ABCA4: variants seen among roughly 807,000 people sequenced by gnomAD.
ABCA4 encodes ATP binding cassette subfamily A member 4, also known as retinal-specific phospholipid-transporting ATPase ABCA4.
ABCA4 carries 196 observed loss-of-function variants against 263.7 expected under a neutral mutation model. That is an observed-to-expected ratio of 0.74 (90% CI 0.66 to 0.84). The LOEUF (loss-of-function observed/expected upper bound fraction) is 0.84. Among genes scored for constraint, ABCA4 ranks in the 40% least tolerant of loss-of-function variants. The pLI is 0.00. For synonymous variants in ABCA4, 1,133 were observed against 1,094.2 expected (o/e 1.04, Z -0.70); for missense variants, 2,792 against 2,855.1 (o/e 0.98, Z 0.50).
In ABCA4 at chr1:94,062,899, A is replaced by G. The variant is rs545398255; in HGVS notation, c.1761-146T>C. On this transcript the variant is annotated intron_variant, in intron 12 of 49. Transcript: ENST00000370225. ...GATCCAATTCTATTTCCTAGTCCTC[A>G]GTTTAAATCTCAGTTTTGAATATTA... 4 of 1,075,832 alleles carry G rather than the reference A, an allele frequency of 3.7e-6. No individual in the cohort carries two copies. In the South Asian group the frequency reaches 5.5e-5, roughly 15 times the overall value. The allele number at this position is 1,075,832 out of a possible 1,614,324, so 66.6% of individuals were successfully genotyped here.
intron 14 of ABCA4, among the ~76,000 whole-genome samples, chr1:94,057,595 C>T (rs1396618815): frequency 2.0e-5 from 3 of 152,200 alleles, no homozygotes; most frequent in Non-Finnish European, 2.9e-5. Flanking sequence ...AGTAATTAAT[C>T]CAAATCACTT....
chr1:94,113,101 T>G (rs1297208944), intron 1 of ABCA4, 35 bp from the exon 2 acceptor site: 16 of 1,592,344 alleles, frequency 1.0e-5, no homozygotes, highest in African/African-American at 4.0e-5. Context: ...GAAAGTTCAG[T>G]GGTGCTAAGA....
intron 48 of ABCA4, among the ~76,000 whole-genome samples, chr1:93,996,494 G>A (rs1441657053): frequency 6.6e-6 from 1 of 152,156 alleles, no homozygotes; most frequent in East Asian, 1.9e-4. Flanking sequence ...TCAGCTAGCA[G>A]CATCCTAATA....
chr1:94,076,935 C>T (rs964811434), intron 11 of ABCA4, among the ~76,000 whole-genome samples: 1 of 152,172 alleles, frequency 6.6e-6, no homozygotes, highest in African/African-American at 2.4e-5. Flanking sequence ...AACTCAGGCA[C>T]CCCCAGAGCT....
chr1:94,052,109 C>A (rs1482995063), intron 16 of ABCA4, among the ~76,000 whole-genome samples: 2 of 152,100 alleles, frequency 1.3e-5, no homozygotes, highest in African/African-American at 2.4e-5. Context: ...CTCAAAACAA[C>A]CCCAGGAGAT....
At chr1:93,998,360 G>C (rs1164533849) in intron 47 of ABCA4, among the ~76,000 whole-genome samples, 1 of 151,914 alleles carries the variant, frequency 6.6e-6, no homozygotes, top group Non-Finnish European at 1.5e-5. Context: ...ACATGCCTGT[G>C]GTCCCAGCTA....
At chr1:94,036,905 C>T (rs1425808179) in intron 25 of ABCA4, 117 bp from the exon 26 acceptor site, 2 of 1,047,032 alleles carry the variant, frequency 1.9e-6, no homozygotes, top group East Asian at 2.4e-5. Flanking sequence ...TCCATTACGA[C>T]TCTATCTGAG....
At chr1:94,041,750 CT>C (rs1227509988) in intron 22 of ABCA4, among the ~76,000 whole-genome samples, 7 of 152,132 alleles carry the variant, frequency 4.6e-5, no homozygotes, top group African/African-American at 1.7e-4. Flanking sequence ...GATTTATACT[CT>C]TCATAAAGAA....
At chr1:94,103,578 A>G (rs1662343920) in intron 4 of ABCA4, among the ~76,000 whole-genome samples, 1 of 152,088 alleles carries the variant, frequency 6.6e-6, no homozygotes, top group Non-Finnish European at 1.5e-5. Flanking sequence ...AAGGCCCAAG[A>G]CACTCCTCCC....
intron 35 of ABCA4, among the ~76,000 whole-genome samples, chr1:94,020,570 T>C (rs1413633085): frequency 6.6e-6 from 1 of 152,114 alleles, no homozygotes; most frequent in Admixed American, 6.5e-5. Context: ...CCCTAGGGTG[T>C]CCAGAGGAAG....
rs146455772 is a variant in ABCA4 at position 94,046,614 on chromosome 1, G to A, written c.2918+305C>T. On this transcript the variant is annotated intron_variant, in intron 19 of 49. Coordinates refer to ENST00000370225, the MANE Select transcript of ABCA4 (RefSeq NM_000350.3). Reference sequence around the variant, plus strand: ...GTGTGAGAAACAAGAGGCAACTGTGGTGCCTGGCTTTTGCCCCCGCTGAGC... The same window carrying A: ...GTGTGAGAAACAAGAGGCAACTGTGATGCCTGGCTTTTGCCCCCGCTGAGC... 1.9e-3 allele frequency among the ~76,000 whole-genome samples: 285 copies of A among 152,220 alleles called. 1 individual carries two copies. The highest frequency in any genetic ancestry group is 6.4e-3 in the African/African-American group (266 of 41,548).
rs191521646 is a variant in ABCA4 at position 94,120,145 on chromosome 1, A to T, written c.66+835T>A. 1.1e-4 allele frequency among the ~76,000 whole-genome samples: 17 copies of T among 152,328 alleles called. 1 individual carries two copies. The East Asian group carries it at 3.3e-3, about 29-fold the overall frequency. ...AAAGCCAGTTGTCATTTACAAGTAC[A>T]GTCTTGGTGTTCTCTGATCTCCGGC... On this transcript the variant is annotated intron_variant, in intron 1 of 49. Transcript: ENST00000370225.
chr1:94,037,614 G>A (rs1021186627), intron 24 of ABCA4, among the ~76,000 whole-genome samples: 1 of 151,646 alleles, frequency 6.6e-6, no homozygotes, highest in Admixed American at 6.6e-5. Context: ...GGAGGTTGGT[G>A]GGGGGGTCAT....
At chr1:94,090,917 G>C (rs1201867778) in intron 6 of ABCA4, among the ~76,000 whole-genome samples, 1 of 152,162 alleles carries the variant, frequency 6.6e-6, no homozygotes, top group African/African-American at 2.4e-5. Flanking sequence ...GGAGCAGTCA[G>C]TTTCACCTGG....
chr1:94,086,046 A>G (rs1661817517), intron 6 of ABCA4, among the ~76,000 whole-genome samples: 2 of 152,038 alleles, frequency 1.3e-5, no homozygotes, highest in South Asian at 2.1e-4. Flanking sequence ...CTTGTCATCT[A>G]TCTCCCCTGT....
At chr1:94,116,481 TG>T (rs921831699) in intron 1 of ABCA4, among the ~76,000 whole-genome samples, 13 of 152,098 alleles carry the variant, frequency 8.5e-5, no homozygotes, top group African/African-American at 3.1e-4. Context: ...CTCTAGGTAA[TG>T]GTTGGTTGGT....
chr1:94,105,055 G>A (rs896149999), intron 4 of ABCA4, among the ~76,000 whole-genome samples: 4 of 152,146 alleles, frequency 2.6e-5, no homozygotes, highest in Non-Finnish European at 5.9e-5. Context: ...GATCTCTTGA[G>A]AGTTGGGGGC....
In ABCA4 at chr1:94,024,935, TA is replaced by T; in HGVS notation, c.4634+18del. 1 of 1,596,894 alleles carries T rather than the reference TA, an allele frequency of 6.3e-7. No individual in the cohort carries two copies. The highest frequency in any genetic ancestry group is 8.6e-7 in the Non-Finnish European group (1 of 1,164,238). ...CTACAGGGAGCCAGGATAAAAAGCA[TA>T]AAAGGATTTCTTCTTACCTGCTTCT... On this transcript the variant is annotated intron_variant, in intron 31 of 49. Coordinates refer to ENST00000370225, the MANE Select transcript of ABCA4 (RefSeq NM_000350.3).
At position 94,048,992 on chromosome 1, in the gene ABCA4, C is replaced by T. The variant is rs771804418; in HGVS notation, c.2654-35G>A. 27 of 1,607,204 alleles carry T rather than the reference C, an allele frequency of 1.7e-5. No homozygotes were observed. The East Asian group carries it at 1.8e-4, about 11-fold the overall frequency. ...TCAGAAGCCAGTGTTACTCTACCAC[C>T]GGGAGCTGAGAACGAGCAAAGGCAG... On this transcript the variant is annotated intron_variant, in intron 17 of 49. Transcript: ENST00000370225.
Sources: gnomAD v4.1 joint callset for allele counts (sites outside exome capture counted in the v4.1 genomes callset) on GRCh38, gnomAD v4.1.1 for gene constraint, MANE v1.5 for transcripts, NCBI Gene and HGNC (gene_info 2026-07-23, HGNC 2026-07-21) for gene names.